The following COL13A1 variants were observed in gnomAD, a reference collection of about 807,000 sequenced individuals.
COL13A1 encodes collagen alpha-1(XIII) chain.
In COL13A1, 89 loss-of-function variants were observed where a neutral mutation model predicts 130.9. The observed-to-expected ratio is 0.68, with a 90% confidence interval of 0.57 to 0.81. The LOEUF (loss-of-function observed/expected upper bound fraction) is 0.81, where lower values mean the gene tolerates loss of function less well. Ranked by LOEUF, COL13A1 falls within the 30% of genes least tolerant of loss-of-function variation. COL13A1 has a pLI of 0.00. For synonymous variants in COL13A1, 402 were observed against 341.6 expected, an observed-to-expected ratio of 1.18 and a Z score of -1.95; for missense variants, 879 against 934.6, an observed-to-expected ratio of 0.94 and a Z score of 0.78.
chr10:69,875,379 C>T (rs1046267624), intron 5 of COL13A1, among the ~76,000 whole-genome samples: 1 of 152,228 alleles, frequency 6.6e-6, no homozygotes, highest in African/African-American at 2.4e-5. Flanking sequence ...GCACTACTCT[C>T]CAGAGAGCTG....
intron 2 of COL13A1, among the ~76,000 whole-genome samples, chr10:69,834,074 T>C (rs1028960761): frequency 2.0e-4 from 30 of 152,162 alleles, no homozygotes; most frequent in African/African-American, 5.3e-4. Flanking sequence ...CCCCAGTCTT[T>C]TTGGGACCAG....
At chr10:69,957,692 C>T (rs192906353) in intron 40 of COL13A1, among the ~76,000 whole-genome samples, 11 of 152,336 alleles carry the variant, frequency 7.2e-5, no homozygotes, top group Non-Finnish European at 1.2e-4. Context: ...ACCATGGCTC[C>T]CCAGAGCACA....
rs1405606091 is a variant in COL13A1 at position 69,829,649 on chromosome 10, C to T, written c.364+7211C>T. Among the ~76,000 whole-genome samples the T allele has an allele frequency of 3.3e-5, 5 of 152,354 alleles. No homozygotes were observed. The South Asian group carries it at 8.3e-4, about 25-fold the overall frequency. The stretch of plus-strand genomic sequence containing the variant: ...GCTCCACAAGGAAGGTTGACCATCA[C>T]CTTGGAGAGGGCCCTGGGTTTAAGG... On this transcript the variant is annotated intron_variant, in intron 2 of 40. Coordinates refer to ENST00000645393, the MANE Select transcript of COL13A1 (RefSeq NM_001368882.1).
At chr10:69,894,335 A>T (rs1016299854) in intron 10 of COL13A1, among the ~76,000 whole-genome samples, 4 of 152,242 alleles carry the variant, frequency 2.6e-5, no homozygotes, top group African/African-American at 9.6e-5. Flanking sequence ...GAAAGATGCC[A>T]TCTGTTCTTC....
intron 10 of COL13A1, 43 bp downstream of exon 10, chr10:69,889,483 T>G: frequency 6.2e-7 from 1 of 1,603,248 alleles, no homozygotes; most frequent in Non-Finnish European, 8.5e-7. Flanking sequence ...GGGTGGGGGT[T>G]GGCCCAGCCT....
intron 15 of COL13A1, 76 bp downstream of exon 15, chr10:69,902,931 G>A: frequency 1.7e-6 from 2 of 1,177,428 alleles, no homozygotes; most frequent in Non-Finnish European, 2.3e-6. Context: ...TGAATAGGCA[G>A]TGGGTCCCCT....
chr10:69,827,445 A>C (rs540990402), intron 2 of COL13A1, among the ~76,000 whole-genome samples: 119 of 152,346 alleles, frequency 7.8e-4, no homozygotes, highest in African/African-American at 2.8e-3. Flanking sequence ...CTCTGGATAC[A>C]GGAGTGGTGG....
intron 2 of COL13A1, among the ~76,000 whole-genome samples, chr10:69,862,687 C>T (rs1858485798): frequency 6.6e-6 from 1 of 152,220 alleles, no homozygotes; most frequent in Admixed American, 6.5e-5. Context: ...CTCCTTCAAG[C>T]TTCGGGGGCC....
Position 69,867,445 on chromosome 10 carries a change from C to T in COL13A1, c.365-353C>T, listed in dbSNP as rs150810167. 3.1e-3 allele frequency among the ~76,000 whole-genome samples: 479 copies of T among 152,318 alleles called. 7 individuals carry two copies. The highest frequency in any genetic ancestry group is 0.025 in the Admixed American group (376 of 15,300). On this transcript the variant is annotated intron_variant, in intron 2 of 40. Transcript: ENST00000645393. ...TATTTCCGCCTTTCTCAGTGTGCCTCGCTGCCCACTGTCCCGTGTTCTGCA... is the reference window on the plus strand; with the variant it reads ...TATTTCCGCCTTTCTCAGTGTGCCTTGCTGCCCACTGTCCCGTGTTCTGCA...
chr10:69,949,289 T>C (rs1365560489), intron 38 of COL13A1, among the ~76,000 whole-genome samples: 2 of 152,212 alleles, frequency 1.3e-5, no homozygotes, highest in Non-Finnish European at 2.9e-5. Context: ...TTCAAGTGAT[T>C]TCCCTGCCTC....
At chr10:69,919,170 C>A in intron 20 of COL13A1, 82 bp downstream of exon 20, 1 of 1,578,968 alleles carries the variant, frequency 6.3e-7, no homozygotes, top group South Asian at 1.1e-5. Flanking sequence ...CTGTTTTGCT[C>A]TTGGTCCCCC....
At chr10:69,838,050 G>T (rs540041965) in intron 2 of COL13A1, among the ~76,000 whole-genome samples, 1 of 152,208 alleles carries the variant, frequency 6.6e-6, no homozygotes, top group Admixed American at 6.5e-5. Flanking sequence ...AGGGCCCTGT[G>T]GGTTGGTCAC....
chr10:69,935,382 C>T lies in COL13A1; in HGVS notation c.1761C>T (p.Pro587=), dbSNP rs769569389. ...VPGLPGPEGP[P]GPPGLQGVPG... ...GGCTGCCAGGGCCAGAGGGGCCTCC[C>T]GGACCTCCGGTAAGTTTGGAGGGCT... is the stretch of plus-strand genomic sequence containing the variant. The change falls in exon 32 of 41, where the codon CCC becomes CCT. Residue 587 remains proline (P), a synonymous_variant. Coordinates refer to ENST00000645393, the MANE Select transcript of COL13A1 (RefSeq NM_001368882.1). 12 of 1,567,016 alleles carry T rather than the reference C, an allele frequency of 7.7e-6. No homozygotes were observed. In the Admixed American group the frequency reaches 9.3e-5, roughly 12 times the overall value.
chr10:69,847,849 C>T (rs1010071371), intron 2 of COL13A1, among the ~76,000 whole-genome samples: 4 of 152,206 alleles, frequency 2.6e-5, no homozygotes, highest in African/African-American at 9.6e-5. Flanking sequence ...AACAACTTTG[C>T]CGTCAAGGTC....
At chr10:69,834,333 C>T (rs544088947) in intron 2 of COL13A1, among the ~76,000 whole-genome samples, 57 of 152,228 alleles carry the variant, frequency 3.7e-4, no homozygotes, top group Non-Finnish European at 7.2e-4. Context: ...GGGACCCCCG[C>T]TCTAAGAGAA....
chr10:69,807,911 T>A (rs1190490087), intron 1 of COL13A1, among the ~76,000 whole-genome samples: 1 of 152,190 alleles, frequency 6.6e-6, no homozygotes, highest in Non-Finnish European at 1.5e-5. Flanking sequence ...CAGCAGACAT[T>A]ATTAATCAAT....
intron 38 of COL13A1, among the ~76,000 whole-genome samples, chr10:69,952,494 A>G (rs1218281817): frequency 6.6e-6 from 1 of 152,228 alleles, no homozygotes; most frequent in Admixed American, 6.5e-5. Flanking sequence ...GGGAAAAAAA[A>G]AGTTTTCACC....
At chr10:69,825,380 A>G (rs1035348177) in intron 2 of COL13A1, among the ~76,000 whole-genome samples, 2 of 152,180 alleles carry the variant, frequency 1.3e-5, no homozygotes, top group African/African-American at 4.8e-5. Context: ...GCCACATACA[A>G]ATTCAAAGCT....
At chr10:69,854,287 C>T (rs1478531678) in intron 2 of COL13A1, among the ~76,000 whole-genome samples, 3 of 152,292 alleles carry the variant, frequency 2.0e-5, no homozygotes, top group South Asian at 2.1e-4. Context: ...TGGTTTCAGC[C>T]GGGTGCTGTG....
Sources: gnomAD v4.1 joint callset for allele counts (sites outside exome capture counted in the v4.1 genomes callset) on GRCh38, gnomAD v4.1.1 for gene constraint, MANE v1.5 for transcripts, NCBI Gene and HGNC (gene_info 2026-07-23, HGNC 2026-07-21) for gene names.